Variants in PHACTR1 observed in about 807,000 individuals in gnomAD.
PHACTR1 encodes the protein phosphatase and actin regulator 1, also known as RPEL repeat containing 1.
Under a neutral mutation model 69.2 loss-of-function variants are expected in PHACTR1, and 16 were observed. The ratio of observed to expected loss-of-function variants is 0.23; its 90% CI spans 0.16 to 0.35. The LOEUF is 0.35. Ranked by LOEUF, PHACTR1 falls within the 10% of genes least tolerant of loss-of-function variation. The pLI, the probability that PHACTR1 is intolerant of heterozygous loss-of-function variation, is 1.00. For missense variants in PHACTR1, 510 were observed against 734.7 expected, an observed-to-expected ratio of 0.69 and a Z score of 3.54; for synonymous variants, 312 against 284.5, an observed-to-expected ratio of 1.10 and a Z score of -0.97.
At chr6:13,111,754 C>A (rs906962701) in intron 5 of PHACTR1, among the ~76,000 whole-genome samples, 1 of 152,170 alleles carries the variant, frequency 6.6e-6, no homozygotes, top group African/African-American at 2.4e-5. Context: ...ATAATCAACT[C>A]ATTACAGTTC....
At chr6:13,058,075 G>A (rs1807075542) in intron 5 of PHACTR1, among the ~76,000 whole-genome samples, 1 of 152,166 alleles carries the variant, frequency 6.6e-6, no homozygotes, top group African/African-American at 2.4e-5. Context: ...GTGAACCTAT[G>A]AGCCTGATAC....
chr6:12,784,942 C>T (rs1771357749), intron 4 of PHACTR1, among the ~76,000 whole-genome samples: 1 of 151,882 alleles, frequency 6.6e-6, no homozygotes, highest in Non-Finnish European at 1.5e-5. Flanking sequence ...CTCCCAACCT[C>T]AGATGATCCG....
At chr6:12,827,066 T>G (rs1204398954) in intron 4 of PHACTR1, among the ~76,000 whole-genome samples, 3 of 152,230 alleles carry the variant, frequency 2.0e-5, no homozygotes, top group Non-Finnish European at 4.4e-5. Flanking sequence ...GTTGTTTCTG[T>G]GCATAAAGCT....
intron 4 of PHACTR1, among the ~76,000 whole-genome samples, chr6:12,937,372 G>A (rs768295241): frequency 3.0e-4 from 45 of 150,622 alleles, no homozygotes; most frequent in Non-Finnish European, 4.7e-4. Flanking sequence ...TTTTTTTGAC[G>A]GAGTTTCACT....
chr6:13,225,899 A>C (rs1466733261), intron 8 of PHACTR1, among the ~76,000 whole-genome samples: 1 of 152,214 alleles, frequency 6.6e-6, no homozygotes, highest in Non-Finnish European at 1.5e-5. Flanking sequence ...ATCCAAGCGC[A>C]GTTGGAATGG....
intron 4 of PHACTR1, among the ~76,000 whole-genome samples, chr6:12,817,980 TG>T (rs1424157196): frequency 1.3e-5 from 2 of 152,032 alleles, no homozygotes; most frequent in Non-Finnish European, 2.9e-5. Flanking sequence ...CCTGCCACCA[TG>T]CCAGGCTAGT....
intron 5 of PHACTR1, among the ~76,000 whole-genome samples, chr6:13,134,240 C>T (rs910297040): frequency 3.9e-5 from 6 of 151,940 alleles, no homozygotes; most frequent in African/African-American, 1.2e-4. Flanking sequence ...CCGCCCTGTC[C>T]GGGAGGGAGG....
chr6:12,743,043 T>C (rs763071520), intron 3 of PHACTR1, among the ~76,000 whole-genome samples: 5 of 152,148 alleles, frequency 3.3e-5, no homozygotes, highest in Admixed American at 6.5e-5. Context: ...ATGGAGTCAC[T>C]AGCTGATTCC....
intron 5 of PHACTR1, among the ~76,000 whole-genome samples, chr6:13,077,785 T>A (rs930429388): frequency 6.6e-6 from 1 of 152,038 alleles, no homozygotes; most frequent in South Asian, 2.1e-4. Flanking sequence ...CATGAGGTGG[T>A]GGCATCCAGA....
chr6:13,202,735 G>A (rs769069965), intron 7 of PHACTR1, among the ~76,000 whole-genome samples: 3 of 152,162 alleles, frequency 2.0e-5, no homozygotes, highest in East Asian at 3.9e-4. Flanking sequence ...CCTCGGCCTC[G>A]AAAAGTGCTG....
chr6:13,161,838 C>G (rs1759061139), intron 6 of PHACTR1, among the ~76,000 whole-genome samples: 2 of 152,046 alleles, frequency 1.3e-5, no homozygotes, highest in Admixed American at 1.3e-4. Context: ...CTAGCTCTTG[C>G]CCTGCCCTGG....
At chr6:12,764,122 A>G (rs1768343748) in intron 4 of PHACTR1, among the ~76,000 whole-genome samples, 1 of 152,212 alleles carries the variant, frequency 6.6e-6, no homozygotes, top group Non-Finnish European at 1.5e-5. Context: ...GTAGAGAAGT[A>G]GATGTTAATG....
At position 12,754,267 on chromosome 6, in the gene PHACTR1, C is replaced by A. The variant is rs542811385; in HGVS notation, c.250+4477C>A. On this transcript the variant is annotated intron_variant, in intron 4 of 14. Coordinates refer to ENST00000332995, the MANE Select transcript of PHACTR1 (RefSeq NM_030948.6). The stretch of plus-strand genomic sequence containing the variant: ...GGATTACAGGTGTGAGCCAGTGCGC[C>A]TGGGCTGGCAAATTGTAAATATTAT... Among the ~76,000 whole-genome samples, 7 of 151,984 alleles carry A rather than the reference C, an allele frequency of 4.6e-5. No individual in the cohort carries two copies. In the South Asian group the frequency reaches 1.5e-3, roughly 32 times the overall value.
chr6:12,915,813 T>C (rs548875872), intron 4 of PHACTR1, among the ~76,000 whole-genome samples: 177 of 152,332 alleles, frequency 1.2e-3, no homozygotes, highest in Non-Finnish European at 2.1e-3. Flanking sequence ...ACCTCTGAGT[T>C]AGTTCATCCT....
chr6:13,133,580 G>A (rs1292861931), intron 5 of PHACTR1, among the ~76,000 whole-genome samples: 1 of 152,174 alleles, frequency 6.6e-6, no homozygotes, highest in Non-Finnish European at 1.5e-5. Context: ...TGCAGACGGA[G>A]TCTCGCTCAC....
intron 8 of PHACTR1, among the ~76,000 whole-genome samples, chr6:13,225,551 A>T (rs1769478281): frequency 6.6e-6 from 1 of 152,214 alleles, no homozygotes; most frequent in Admixed American, 6.5e-5. Flanking sequence ...TGTTGATTAC[A>T]CACTACCTAT....
intron 4 of PHACTR1, among the ~76,000 whole-genome samples, chr6:12,951,084 C>CA (rs1791236636): frequency 6.6e-6 from 1 of 152,202 alleles, no homozygotes; most frequent in South Asian, 2.1e-4. Context: ...CTGAGCTGGC[C>CA]AAAAAGCAAT....
intron 4 of PHACTR1, among the ~76,000 whole-genome samples, chr6:12,927,085 A>C (rs572287280): frequency 6.6e-6 from 1 of 152,264 alleles, no homozygotes; most frequent in African/African-American, 2.4e-5. Flanking sequence ...TGCTGCTGGC[A>C]TAGCACATAT....
At chr6:12,982,589 A>G (rs1795655606) in intron 4 of PHACTR1, among the ~76,000 whole-genome samples, 1 of 152,184 alleles carries the variant, frequency 6.6e-6, no homozygotes, top group African/African-American at 2.4e-5. Flanking sequence ...TGAGGCAGAG[A>G]ATCGCTTGAA....
Sources: allele counts gnomAD v4.1 joint callset (sites outside exome capture counted in the v4.1 genomes callset), GRCh38; gene constraint gnomAD v4.1.1; transcripts MANE v1.5; gene names NCBI Gene and HGNC (gene_info 2026-07-23, HGNC 2026-07-21).